The following MELTF variants were observed in gnomAD, a reference collection of about 807,000 sequenced individuals.
The protein encoded by MELTF is melanotransferrin.
A neutral mutation model predicts 83.7 loss-of-function variants in MELTF; 67 were observed. The ratio of observed to expected loss-of-function variants is 0.80; its 90% CI spans 0.66 to 0.98. The LOEUF (loss-of-function observed/expected upper bound fraction) is 0.98. Among genes scored for constraint, MELTF ranks in the 50% least tolerant of loss-of-function variants. The probability of loss-of-function intolerance (pLI) is 0.00; values close to 1 mark genes in which losing one functional copy is unlikely to be tolerated. For missense variants in MELTF, 1,002 were observed against 1,035.6 expected (o/e 0.97, Z 0.44); for synonymous variants, 462 against 447.6 (o/e 1.03, Z -0.41).
chr3:197,029,744 CG>C lies in MELTF; in HGVS notation c.-43del. On this transcript the variant is annotated 5_prime_UTR_variant, in exon 1 of 16. Transcript: ENST00000296350. The surrounding 1 kb of genome is among the most constrained non-coding windows in gnomAD (Gnocchi z 6.5). ...GCTGGGGCCGGGCTGGGGCTGGGTC[CG>C]GGTCCGAGGAGGTCCGCAGCAGCCG... 1 of 1,217,680 alleles carries C rather than the reference CG, an allele frequency of 8.2e-7. No homozygotes were observed. The highest frequency in any genetic ancestry group is 1.0e-6 in the Non-Finnish European group (1 of 975,444). 75.4% of individuals were successfully genotyped at this position (1,217,680 alleles called of 1,614,324 possible).
At position 197,018,099 on chromosome 3, in the gene MELTF, A is replaced by C. The variant is rs1442218457; in HGVS notation, c.713-809T>G. 2.6e-5 allele frequency among the ~76,000 whole-genome samples: 4 copies of C among 152,082 alleles called. No homozygotes were observed. In the East Asian group the frequency reaches 7.7e-4, roughly 29 times the overall value. On this transcript the variant is annotated intron_variant, in intron 6 of 15. Coordinates refer to ENST00000296350, the MANE Select transcript of MELTF (RefSeq NM_005929.6). The stretch of plus-strand genomic sequence containing the variant: ...ACTCCAACTATTCATATTGCGATGG[A>C]TTTCTTTCAAGTCCTTTTTTCTATT...
Position 197,008,655 on chromosome 3 carries a change from A to C in MELTF, c.1750+2T>G. 1 of 1,613,192 alleles carries C rather than the reference A, an allele frequency of 6.2e-7. No homozygotes were observed. Among genetic ancestry groups the C allele is most frequent in the Non-Finnish European group, 8.5e-7 (1 of 1,179,676 alleles). On this transcript the variant is annotated splice_donor_variant, in intron 13 of 15. Transcript: ENST00000296350. LOFTEE classifies it high-confidence loss of function. The surrounding 1 kb of genome is among the most constrained non-coding windows in gnomAD (Gnocchi z 5.4). ...TTTGGCCCTGCTCTTGCCCCCACCT[A>C]CCGTTTGTGTTGTCAAAGACGGTTG...
chr3:197,020,480 A>C (rs1324245699), intron 6 of MELTF, among the ~76,000 whole-genome samples: 1 of 144,512 alleles, frequency 6.9e-6, no homozygotes, highest in African/African-American at 2.6e-5. Context: ...AATGGGTCAG[A>C]ACACACACGC....
intron 9 of MELTF, 74 bp downstream of exon 9, chr3:197,015,291 G>T: frequency 1.4e-6 from 2 of 1,449,344 alleles, no homozygotes; most frequent in Non-Finnish European, 9.3e-7. Flanking sequence ...AGCAGGGGGT[G>T]TGGGTAGTAA....
Position 197,003,807 on chromosome 3 carries a change from TC to T in MELTF, c.2137+93del. Reference sequence around the variant, plus strand: ...TGCTGCGAACGGGCCTCCACCCGCCTCCCCGGACCCGCAGCGCCCCCCGCTC... The same window carrying T: ...TGCTGCGAACGGGCCTCCACCCGCCTCCCGGACCCGCAGCGCCCCCCGCTC... On this transcript the variant is annotated intron_variant, in intron 15 of 15. Transcript: ENST00000296350. This position sits in a 1 kb window ranked among gnomAD's most constrained non-coding sequence, Gnocchi z 6.2. The T allele has an allele frequency of 8.3e-7, 1 of 1,205,332 alleles. No individual in the cohort carries two copies. The highest frequency in any genetic ancestry group is 2.3e-5 in the Admixed American group (1 of 44,084). The allele number at this position is 1,205,332 out of a possible 1,614,324, so 74.7% of individuals were successfully genotyped here.
Position 197,029,407 on chromosome 3 carries a change from C to T in MELTF, c.49+247G>A, listed in dbSNP as rs1368471860. ...CCCCACCACGCCTCAGCCCGCGCTT[C>T]TCCTTGGAGCGTCGGAAGCCTCGGG... On this transcript the variant is annotated intron_variant, in intron 1 of 15. Transcript: ENST00000296350. This position sits in a 1 kb window ranked among gnomAD's most constrained non-coding sequence, Gnocchi z 6.5. The T allele has an allele frequency of 5.2e-6, 2 of 383,704 alleles. No homozygotes were observed. Among genetic ancestry groups the T allele is most frequent in the Admixed American group, 4.5e-5 (1 of 22,134 alleles). 23.8% of individuals were successfully genotyped at this position (383,704 alleles called of 1,614,324 possible).
At chr3:197,017,951 G>A (rs1246754285) in intron 6 of MELTF, among the ~76,000 whole-genome samples, 1 of 152,210 alleles carries the variant, frequency 6.6e-6, no homozygotes, top group African/African-American at 2.4e-5. Flanking sequence ...CTGCCATGAG[G>A]CACTGCGTTT....
In MELTF at chr3:197,029,727, CGGGCTG is replaced by C. The variant is rs928755356; in HGVS notation, c.-31_-26del. Reference sequence around the variant, plus strand: ...TGGCGCCGTCGGGGCTGGCTGGGGCCGGGCTGGGGCTGGGTCCGGGTCCGAGGAGGT... The same window carrying C: ...TGGCGCCGTCGGGGCTGGCTGGGGCCGGGCTGGGTCCGGGTCCGAGGAGGT... On this transcript the variant is annotated 5_prime_UTR_variant, in exon 1 of 16. Coordinates refer to ENST00000296350, the MANE Select transcript of MELTF (RefSeq NM_005929.6). The surrounding 1 kb of genome is among the most constrained non-coding windows in gnomAD (Gnocchi z 6.5). 8.1e-7 allele frequency: 1 copy of C among 1,231,612 alleles called. No homozygotes were observed. The highest frequency in any genetic ancestry group is 1.0e-6 in the Non-Finnish European group (1 of 987,284). The allele number at this position is 1,231,612 out of a possible 1,614,324, so 76.3% of individuals were successfully genotyped here. A position where few individuals can be genotyped will look rare whatever the true frequency, so the allele number is the denominator to read the frequency against.
rs1312215462 is a variant in MELTF, at chr3:197,010,725, C to T, written c.1303G>A (p.Val435Ile). The change falls in exon 10 of 16, where the codon GTT becomes ATT. Residue 435 changes from valine (V) to isoleucine (I), a missense_variant. By Grantham distance (29) the Val-to-Ile change is conservative (BLOSUM62 3). Coordinates refer to ENST00000296350, the MANE Select transcript of MELTF (RefSeq NM_005929.6). ...IYTAGKTYGL[V>I]PAAGEHYAPE... is the part of the protein sequence containing the mutation. The stretch of plus-strand genomic sequence containing the variant: ...GCATAGTGCTCCCCGGCTGCGGGAA[C>T]CAGGCCGTACGTCTTCCCCGCCGTG... 3 of 1,613,480 alleles carry T rather than the reference C, an allele frequency of 1.9e-6. No individual in the cohort carries two copies. Among genetic ancestry groups the T allele is most frequent in the Non-Finnish European group, 2.5e-6 (3 of 1,180,040 alleles).
Position 197,006,805 on chromosome 3 carries a change from A to G in MELTF, c.1751-69T>C. On this transcript the variant is annotated intron_variant, in intron 13 of 15. Coordinates refer to ENST00000296350, the MANE Select transcript of MELTF (RefSeq NM_005929.6). The surrounding 1 kb of genome is among the most constrained non-coding windows in gnomAD (Gnocchi z 5.4). ...GAGAGAAGTGTAAAGAGAAGCTGCT[A>G]TCCTGGGACCCCAAGGCCTTCACCA... The G allele has an allele frequency of 1.5e-6, 2 of 1,376,638 alleles. No homozygotes were observed. The highest frequency in any genetic ancestry group is 3.3e-5 in the South Asian group (2 of 60,424). 85.3% of individuals were successfully genotyped at this position (1,376,638 alleles called of 1,614,324 possible). A position where few individuals can be genotyped will look rare whatever the true frequency, so the allele number is the denominator to read the frequency against.
intron 3 of MELTF, chr3:197,026,348 A>G (rs2148593805): frequency 3.3e-6 from 1 of 303,704 alleles, no homozygotes; most frequent in Non-Finnish European, 6.3e-6. Flanking sequence ...CACCCAAGGC[A>G]GTTACGCACA....
chr3:197,015,387 T>C lies in MELTF; in HGVS notation c.1211A>G (p.Gln404Arg). The C allele has an allele frequency of 6.4e-7, 1 of 1,573,204 alleles. No individual in the cohort carries two copies. The highest frequency in any genetic ancestry group is 2.4e-5 in the East Asian group (1 of 42,280). Reference sequence around the variant, plus strand: ...CACCTGGATCCGCTCCATGCAGTGTTGGGGGGACTTGGCTGACACGCACTG... The same window carrying C: ...CACCTGGATCCGCTCCATGCAGTGTCGGGGGGACTTGGCTGACACGCACTG... ...EIQCVSAKSP[Q>R]HCMERIQAEQ... The change falls in exon 9 of 16, where the codon CAA becomes CGA. Residue 404 changes from glutamine to arginine, a missense_variant. Gln to Arg is a conservative substitution (Grantham distance 43, BLOSUM62 1). Coordinates refer to ENST00000296350, the MANE Select transcript of MELTF (RefSeq NM_005929.6).
rs576036014 is a variant in MELTF, at chr3:197,021,013, T to C, written c.712+391A>G. ...ACCTTCCCAGGGATGAGGGACAAAT[T>C]CTCCAGGCAAGAGGAGAAAAATGCC... On this transcript the variant is annotated intron_variant, in intron 6 of 15. Transcript: ENST00000296350. Among the ~76,000 whole-genome samples, 3 of 152,122 alleles carry C rather than the reference T, an allele frequency of 2.0e-5. No individual in the cohort carries two copies. In the South Asian group the frequency reaches 6.2e-4, roughly 32 times the overall value.
intron 7 of MELTF, 32 bp downstream of exon 7, chr3:197,017,071 C>T: frequency 1.9e-6 from 3 of 1,601,454 alleles, no homozygotes; most frequent in Non-Finnish European, 2.6e-6. Context: ...ATCTAGGAAG[C>T]TGTGCAGGTG....
intron 5 of MELTF, 89 bp from the exon 6 acceptor site, chr3:197,021,560 G>A: frequency 7.7e-7 from 1 of 1,292,598 alleles, no homozygotes; most frequent in Non-Finnish European, 1.1e-6. Context: ...GGCTGTAGGG[G>A]TGGCCATGAT....
intron 6 of MELTF, 54 bp from the exon 7 acceptor site, chr3:197,017,344 G>T: frequency 6.9e-7 from 1 of 1,439,438 alleles, no homozygotes; most frequent in Non-Finnish European, 9.2e-7. Flanking sequence ...TGGGGCGGGT[G>T]GCGGGGAAGG....
chr3:197,017,757 A>G (rs552023524), intron 6 of MELTF, among the ~76,000 whole-genome samples: 142 of 152,204 alleles, frequency 9.3e-4, no homozygotes, highest in South Asian at 3.9e-3. Context: ...GGCGCCTGTA[A>G]TCCCAGCTAC....
chr3:197,003,592 G>A lies in MELTF; in HGVS notation c.2138-141C>T. 1 of 707,688 alleles carries A rather than the reference G, an allele frequency of 1.4e-6. No homozygotes were observed. The highest frequency in any genetic ancestry group is 2.1e-6 in the Non-Finnish European group (1 of 474,632). The allele number at this position is 707,688 out of a possible 1,614,324, so 43.8% of individuals were successfully genotyped here. On this transcript the variant is annotated intron_variant, in intron 15 of 15. Transcript: ENST00000296350. This position sits in a 1 kb window ranked among gnomAD's most constrained non-coding sequence, Gnocchi z 6.2. The stretch of plus-strand genomic sequence containing the variant: ...CCTCTTTGTGCTCCTTTCCCCTGCT[G>A]CCCTTCCAGATGCGCTCTTTCCAGA...
At position 197,006,753 on chromosome 3, in the gene MELTF, AGTGT is replaced by A. The variant is rs1718996000; in HGVS notation, c.1751-21_1751-18del. 1.3e-6 allele frequency: 2 copies of A among 1,513,986 alleles called. No individual in the cohort carries two copies. Among genetic ancestry groups the A allele is most frequent in the Non-Finnish European group, 1.8e-6 (2 of 1,133,666 alleles). The allele number at this position is 1,513,986 out of a possible 1,614,324, so 93.8% of individuals were successfully genotyped here. A position where few individuals can be genotyped will look rare whatever the true frequency, so the allele number is the denominator to read the frequency against. Reference sequence around the variant, plus strand: ...AATTGTGGCCTGAGGGGGGTAAAGCAGTGTGTGTGGGGACGTTCCGGGAGTGGAG... The same window carrying A: ...AATTGTGGCCTGAGGGGGGTAAAGCAGTGTGGGGACGTTCCGGGAGTGGAG... On this transcript the variant is annotated intron_variant, in intron 13 of 15. Coordinates refer to ENST00000296350, the MANE Select transcript of MELTF (RefSeq NM_005929.6). The surrounding 1 kb of genome is among the most constrained non-coding windows in gnomAD (Gnocchi z 5.4).
Sources: allele counts gnomAD v4.1 joint callset (sites outside exome capture counted in the v4.1 genomes callset), GRCh38; gene constraint gnomAD v4.1.1; non-coding constraint Gnocchi (gnomAD v3.1); transcripts MANE v1.5; gene names NCBI Gene and HGNC (gene_info 2026-07-23, HGNC 2026-07-21).